The following PREX2 variants were observed in gnomAD, a reference collection of about 807,000 sequenced individuals.
PREX2 encodes the protein phosphatidylinositol-3,4,5-trisphosphate dependent Rac exchange factor 2.
A neutral mutation model predicts 203.2 loss-of-function variants in PREX2; 107 were observed. That is an observed-to-expected ratio of 0.53 (90% CI 0.45 to 0.62). The LOEUF (loss-of-function observed/expected upper bound fraction) is 0.62. Among genes scored for constraint, PREX2 ranks in the 20% least tolerant of loss-of-function variants. PREX2 has a pLI of 0.00. For synonymous variants in PREX2, 672 were observed against 663.6 expected (o/e 1.01, Z -0.19); for missense variants, 1,777 against 1,955.9 (o/e 0.91, Z 1.72).
intron 7 of PREX2, among the ~76,000 whole-genome samples, chr8:68,042,171 C>T (rs1040903696): frequency 6.6e-6 from 1 of 151,912 alleles, no homozygotes; most frequent in African/African-American, 2.4e-5. Context: ...TAAAGGGAGC[C>T]TTTTACAAAC....
rs955554235 is a variant in PREX2 at position 68,231,270 on chromosome 8, A to G, written c.4776-63A>G. ...TCATCAATGTATTTGTTCTACCAAT[A>G]AAGACACCTCATGTAATGGTAATAC... On this transcript the variant is annotated intron_variant, in intron 39 of 39. Coordinates refer to ENST00000288368, the MANE Select transcript of PREX2 (RefSeq NM_024870.4). The G allele has an allele frequency of 1.4e-5, 17 of 1,214,380 alleles. No homozygotes were observed. In the African/African-American group the frequency reaches 2.3e-4, roughly 17 times the overall value. The allele number at this position is 1,214,380 out of a possible 1,614,324, so 75.2% of individuals were successfully genotyped here.
Position 68,090,571 on chromosome 8 carries a change from A to C in PREX2, c.2114-8A>C. The stretch of plus-strand genomic sequence containing the variant: ...TGTTTTTGGTTATTTTCTCATTTGT[A>C]TTTATAGGAACTGTGGCTGCAGCAG... On this transcript the variant is annotated splice_polypyrimidine_tract_variant and splice_region_variant and intron_variant, in intron 19 of 39. Coordinates refer to ENST00000288368, the MANE Select transcript of PREX2 (RefSeq NM_024870.4). 6.3e-7 allele frequency: 1 copy of C among 1,598,122 alleles called. No individual in the cohort carries two copies. Among genetic ancestry groups the C allele is most frequent in the Non-Finnish European group, 8.6e-7 (1 of 1,168,062 alleles).
chr8:68,067,236 G>GT (rs1312652020), intron 11 of PREX2, among the ~76,000 whole-genome samples: 1 of 151,744 alleles, frequency 6.6e-6, no homozygotes, highest in Non-Finnish European at 1.5e-5. Context: ...TTTTAGGATT[G>GT]TTTTTTCTAT....
At chr8:67,970,833 A>G (rs1231400305) in intron 1 of PREX2, among the ~76,000 whole-genome samples, 1 of 152,222 alleles carries the variant, frequency 6.6e-6, no homozygotes, top group Non-Finnish European at 1.5e-5. Context: ...CTGCTAACAT[A>G]GCAGCAGAAA....
chr8:68,053,341 A>T (rs13273475), intron 9 of PREX2, 95 bp downstream of exon 9: 255,732 of 1,321,390 alleles, frequency 0.19, 25,562 homozygotes, highest in South Asian at 0.23. Flanking sequence ...GGAAAGGTAT[A>T]TGATGGTCAC....
chr8:68,106,514 G>T (rs746558490), intron 23 of PREX2, among the ~76,000 whole-genome samples: 1 of 151,910 alleles, frequency 6.6e-6, no homozygotes, highest in Non-Finnish European at 1.5e-5. Context: ...CCTACTGTGC[G>T]CTGGCACATG....
At chr8:68,056,798 C>G (rs548449429) in intron 10 of PREX2, among the ~76,000 whole-genome samples, 1 of 152,296 alleles carries the variant, frequency 6.6e-6, no homozygotes, top group South Asian at 2.1e-4. Context: ...AGACTGGAGT[C>G]ATAGTTTACA....
Position 67,952,342 on chromosome 8 carries a change from C to T in PREX2, c.-53C>T, listed in dbSNP as rs188373854. 845 of 1,341,596 alleles carry T rather than the reference C, an allele frequency of 6.3e-4. 30 individuals carry two copies. The Admixed American group carries it at 0.03, about 48-fold the overall frequency. The allele number at this position is 1,341,596 out of a possible 1,614,324, so 83.1% of individuals were successfully genotyped here. On this transcript the variant is annotated 5_prime_UTR_variant, in exon 1 of 40. Transcript: ENST00000288368. ...CGGGGGCCGGGCAGCAGCGGGCGCG[C>T]GGGTCAGCGCTCAGCACGGCGGGCA...
intron 31 of PREX2, among the ~76,000 whole-genome samples, chr8:68,129,634 A>G (rs1314428863): frequency 6.6e-6 from 1 of 152,058 alleles, no homozygotes; most frequent in Non-Finnish European, 1.5e-5. Flanking sequence ...TTGTGTGTCT[A>G]GAAACCATCT....
chr8:68,033,013 G>A (rs188588366), intron 6 of PREX2, among the ~76,000 whole-genome samples: 4 of 152,230 alleles, frequency 2.6e-5, no homozygotes, highest in Admixed American at 2.6e-4. Context: ...CTGATACACC[G>A]TGAATTTGCA....
intron 20 of PREX2, 139 bp from the exon 21 acceptor site, chr8:68,093,466 C>G: frequency 2.4e-6 from 1 of 416,940 alleles, no homozygotes. Context: ...TTATTAGTTT[C>G]TGATGTTAAT....
At chr8:68,106,330 A>G (rs764841266) in intron 23 of PREX2, 1 of 514,104 alleles carries the variant, frequency 1.9e-6, no homozygotes, top group African/African-American at 1.9e-5. Context: ...TATGTCCCAT[A>G]TAAGCCTCCA....
Position 68,169,913 on chromosome 8 carries a change from C to T in PREX2, c.4346+12477C>T, listed in dbSNP as rs147142988. Among the ~76,000 whole-genome samples, 85 of 152,054 alleles carry T rather than the reference C, an allele frequency of 5.6e-4. 1 individual carries two copies. The East Asian group carries it at 0.015, about 27-fold the overall frequency. ...ACAGAAAATGAACAAGTAAACAAGT[C>T]CATAAACAAAGTCTTTTAGATGGTG... On this transcript the variant is annotated intron_variant, in intron 35 of 39. Transcript: ENST00000288368.
chr8:68,056,737 G>T (rs1468936311), intron 10 of PREX2, among the ~76,000 whole-genome samples: 1 of 152,142 alleles, frequency 6.6e-6, no homozygotes, highest in Non-Finnish European at 1.5e-5. Context: ...GGATCAGGGA[G>T]CTTAACAATT....
In PREX2 at chr8:68,108,216, T is replaced by C. The variant is rs1810457393; in HGVS notation, c.2823T>C (p.Asn941=). Residue 941 remains asparagine (N), a synonymous_variant, in exon 24 of 40, where the codon AAT becomes AAC. Coordinates refer to ENST00000288368, the MANE Select transcript of PREX2 (RefSeq NM_024870.4). ...TCTGCCCTACCAACTGCCATGTCAA[T>C]GTGATGGAAGTTTCTTATCCCAAAA... is the stretch of plus-strand genomic sequence containing the variant. The part of the protein sequence containing the change: ...SDFCPTNCHV[N]VMEVSYPKTS... 1 of 1,613,902 alleles carries C rather than the reference T, an allele frequency of 6.2e-7. No homozygotes were observed. The highest frequency in any genetic ancestry group is 1.3e-5 in the African/African-American group (1 of 74,934).
chr8:68,194,626 A>AC (rs1432901890), intron 37 of PREX2, among the ~76,000 whole-genome samples: 1 of 129,920 alleles, frequency 7.7e-6, no homozygotes. Context: ...CCTCATCTCT[A>AC]CTAAAAAAAA....
At position 68,080,497 on chromosome 8, in the gene PREX2, A is replaced by G. The variant is rs1463963360; in HGVS notation, c.1697A>G (p.Asp566Gly). The change falls in exon 16 of 40, where the codon GAT becomes GGT. Residue 566 changes from aspartate (D) to glycine (G), a missense_variant. Transcript: ENST00000288368. The stretch of plus-strand genomic sequence containing the variant: ...CCCCTACTTTTCCGTTTTTTTTCGG[A>G]TGAGGAAATGGAGGGATCAAATATG... ...DEPLLFRFFS[D>G]EEMEGSNMKH... 1 of 1,611,944 alleles carries G rather than the reference A, an allele frequency of 6.2e-7. No individual in the cohort carries two copies. The highest frequency in any genetic ancestry group is 8.5e-7 in the Non-Finnish European group (1 of 1,178,932).
In PREX2 at chr8:68,110,300, A is replaced by C. The variant is rs952039625; in HGVS notation, c.3146+677A>C. Among the ~76,000 whole-genome samples the C allele has an allele frequency of 3.1e-4, 47 of 152,248 alleles. 1 individual carries two copies. The highest frequency in any genetic ancestry group is 4.7e-4 in the Non-Finnish European group (32 of 68,046). On this transcript the variant is annotated intron_variant, in intron 25 of 39. Transcript: ENST00000288368. Reference sequence around the variant, plus strand: ...TGGTATAGGACGATGCTTCACATCTAGTCCAGACAGCTCTGTATAGTCAGA... The same window carrying C: ...TGGTATAGGACGATGCTTCACATCTCGTCCAGACAGCTCTGTATAGTCAGA...
At chr8:67,962,859 C>T (rs1191381831) in intron 1 of PREX2, among the ~76,000 whole-genome samples, 1 of 152,022 alleles carries the variant, frequency 6.6e-6, no homozygotes, top group African/African-American at 2.4e-5. Flanking sequence ...CCACCTGTCT[C>T]GGCCTCCCAA....
Sources: allele counts gnomAD v4.1 joint callset (sites outside exome capture counted in the v4.1 genomes callset), GRCh38; gene constraint gnomAD v4.1.1; transcripts MANE v1.5; gene names NCBI Gene and HGNC (gene_info 2026-07-23, HGNC 2026-07-21).